Variants in ZBTB45 observed in about 807,000 individuals in gnomAD.
ZBTB45 encodes the protein zinc finger and BTB domain containing 45.
ZBTB45 carries 22 observed loss-of-function variants against 28.4 expected under a neutral mutation model. The ratio of observed to expected loss-of-function variants is 0.77; its 90% CI spans 0.55 to 1.10. The LOEUF (loss-of-function observed/expected upper bound fraction) is 1.10, where lower values mean the gene tolerates loss of function less well. Ranked by LOEUF, ZBTB45 falls within the 50% of genes least tolerant of loss-of-function variation. The probability of loss-of-function intolerance (pLI) is 0.00; values close to 1 mark genes in which losing one functional copy is unlikely to be tolerated. For synonymous variants in ZBTB45, 361 were observed against 332.3 expected (o/e 1.09, Z -0.94); for missense variants, 656 against 750.2 (o/e 0.87, Z 1.47).
At chr19:58,527,774 C>T (rs1262779736) in intron 1 of ZBTB45, among the ~76,000 whole-genome samples, 1 of 151,922 alleles carries the variant, frequency 6.6e-6, no homozygotes, top group Non-Finnish European at 1.5e-5. Context: ...TTTGTCCCCT[C>T]CCTCTTTACA....
At chr19:58,536,622 G>T (rs750932438) in intron 1 of ZBTB45, among the ~76,000 whole-genome samples, 10 of 152,098 alleles carry the variant, frequency 6.6e-5, no homozygotes, top group Non-Finnish European at 1.5e-4. Context: ...CAGCCTGGGT[G>T]ACAGAACGAG....
intron 1 of ZBTB45, among the ~76,000 whole-genome samples, chr19:58,531,614 G>A (rs746985558): frequency 2.0e-5 from 3 of 152,186 alleles, no homozygotes; most frequent in Non-Finnish European, 4.4e-5. Context: ...CCTGAAATAC[G>A]GTTCCCCTTG....
intron 1 of ZBTB45, chr19:58,519,138 G>C (rs2053553098): frequency 6.6e-6 from 1 of 152,302 alleles, no homozygotes; most frequent in Non-Finnish European, 1.5e-5. Context: ...CCAGACTACG[G>C]ATCCGGATAC....
intron 1 of ZBTB45, among the ~76,000 whole-genome samples, chr19:58,537,648 G>C (rs2053667544): frequency 6.6e-6 from 1 of 152,032 alleles, no homozygotes; most frequent in South Asian, 2.1e-4. Context: ...AAGTGTTTGG[G>C]GCAGCCCCTA....
At position 58,538,072 on chromosome 19, in the gene ZBTB45, AG is replaced by A. The variant is rs2053670171; in HGVS notation, c.-1+628del. On this transcript the variant is annotated intron_variant, in intron 1 of 1. Transcript: ENST00000600130. ...AGGCTGGTGGCGAACTCCCGACCTC[AG>A]GTGATCCGCCCACCTCGGCCTCCCA... 2.0e-5 allele frequency among the ~76,000 whole-genome samples: 3 copies of A among 152,158 alleles called. No homozygotes were observed. In the South Asian group the frequency reaches 6.2e-4, roughly 32 times the overall value.
intron 1 of ZBTB45, among the ~76,000 whole-genome samples, chr19:58,538,242 C>T (rs1227806752): frequency 6.6e-6 from 1 of 151,716 alleles, no homozygotes; most frequent in Non-Finnish European, 1.5e-5. Context: ...AAAGACAGGG[C>T]CTCGCTCTGC....
At chr19:58,527,403 T>C (rs1363454644) in intron 1 of ZBTB45, among the ~76,000 whole-genome samples, 1 of 152,194 alleles carries the variant, frequency 6.6e-6, no homozygotes, top group East Asian at 1.9e-4. Context: ...CTCCATGAGA[T>C]TGCTCAGCCC....
chr19:58,524,435 ATGTGTGTGTGTGTGTGTG>A (rs56704623), upstream of ZBTB45, among the ~76,000 whole-genome samples: 8 of 138,260 alleles, frequency 5.8e-5, no homozygotes, highest in African/African-American at 8.2e-5. Context: ...GTGTTCATAT[ATGTGTGTGTGTGTGTGTG>A]TGTGTGTGTG....
intron 1 of ZBTB45, among the ~76,000 whole-genome samples, chr19:58,537,153 G>A (rs2053664397): frequency 6.6e-6 from 1 of 152,090 alleles, no homozygotes; most frequent in South Asian, 2.1e-4. Flanking sequence ...CTGTCCCTGA[G>A]TCAGCTTGAG....
chr19:58,521,379 A>G (rs1371102129), upstream of ZBTB45, among the ~76,000 whole-genome samples: 1 of 146,946 alleles, frequency 6.8e-6, no homozygotes, highest in Non-Finnish European at 1.5e-5. Flanking sequence ...AAAAAAAAAA[A>G]AAAAAGAAAG....
At position 58,536,579 on chromosome 19, in the gene ZBTB45, G is replaced by A. The variant is rs570408095; in HGVS notation, c.-1+2122C>T. Among the ~76,000 whole-genome samples, 7 of 150,062 alleles carry A rather than the reference G, an allele frequency of 4.7e-5. No homozygotes were observed. In the South Asian group the frequency reaches 8.5e-4, roughly 18 times the overall value. On this transcript the variant is annotated intron_variant, in intron 1 of 1. Coordinates refer to the ZBTB45 transcript ENST00000600130. ...AATCGCTTGAACTCAGGAGGCAGAG[G>A]TTGTAGTGAGCCAAGATTGCGCCAC...
rs1240657420 is a variant in ZBTB45 at position 58,517,447 on chromosome 19, G to A, written c.227C>T (p.Pro76Leu). 3.1e-6 allele frequency: 5 copies of A among 1,613,048 alleles called. No homozygotes were observed. Among genetic ancestry groups the A allele is most frequent in the Non-Finnish European group, 3.4e-6 (4 of 1,179,864 alleles). ...HSEIRVPPVV[P>L]AQTVRQLVEF... ...TACCAGCTGTCGCACTGTCTGCGCG[G>A]GCACCACCGGAGGCACACGGATCTC... is the stretch of plus-strand genomic sequence containing the variant. The change falls in exon 2 of 3, where the codon CCC becomes CTC. Residue 76 changes from proline (P) to leucine (L), a missense_variant. By Grantham distance (98) the Pro-to-Leu change is moderately conservative. This residue lies in a region of ZBTB45 where 105 missense variants were observed against 152.4 expected (regional missense o/e 0.69). Transcript: ENST00000594051.
intron 1 of ZBTB45, among the ~76,000 whole-genome samples, chr19:58,518,160 ACTC>A (rs751859632): frequency 2.0e-5 from 3 of 150,682 alleles, no homozygotes; most frequent in African/African-American, 7.3e-5. Context: ...GCTAGCTTCC[ACTC>A]CTCCTCCACC....
intron 1 of ZBTB45, among the ~76,000 whole-genome samples, chr19:58,535,083 G>A (rs1023705267): frequency 6.6e-6 from 1 of 151,018 alleles, no homozygotes; most frequent in East Asian, 2.0e-4. Context: ...CTCTTGGCCA[G>A]GCTGGTCTCG....
At chr19:58,527,528 T>C (rs11673465) in intron 1 of ZBTB45, among the ~76,000 whole-genome samples, 29,533 of 152,084 alleles carry the variant, frequency 0.19, 2,990 homozygotes, top group Middle Eastern at 0.23. Flanking sequence ...CCCTCTCCAG[T>C]CCTGTCACTT....
At position 58,517,042 on chromosome 19, in the gene ZBTB45, T is replaced by C. The variant is rs1444924082; in HGVS notation, c.632A>G (p.Asp211Gly). 6.2e-6 allele frequency: 10 copies of C among 1,613,230 alleles called. No individual in the cohort carries two copies. Among genetic ancestry groups the C allele is most frequent in the Non-Finnish European group, 7.6e-6 (9 of 1,180,004 alleles). Residue 211 changes from aspartate to glycine, a missense_variant, in exon 2 of 3, where the codon GAC (aspartate) becomes GGC (glycine). Transcript: ENST00000594051. Reference sequence around the variant, plus strand: ...ATCGGTCTCATCGTCACTTTCCTCGTCATCCTCGTCACCTCGGTCATCAGG... The same window carrying C: ...ATCGGTCTCATCGTCACTTTCCTCGCCATCCTCGTCACCTCGGTCATCAGG... ...AAPDDRGDED[D>G]EESDDETDGE...
chr19:58,518,207 A>G (rs2053540509), intron 1 of ZBTB45, among the ~76,000 whole-genome samples: 1 of 152,084 alleles, frequency 6.6e-6, no homozygotes, highest in African/African-American at 2.4e-5. Context: ...TCCTTTAGCC[A>G]CATCCCCCCA....
intron 1 of ZBTB45, among the ~76,000 whole-genome samples, chr19:58,518,015 C>G (rs1258283782): frequency 6.7e-6 from 1 of 150,144 alleles, no homozygotes; most frequent in Non-Finnish European, 1.5e-5. Flanking sequence ...CCCACCCACC[C>G]CACCCCAACT....
chr19:58,533,503 G>C (rs1244625884), intron 1 of ZBTB45, among the ~76,000 whole-genome samples: 2 of 152,212 alleles, frequency 1.3e-5, no homozygotes, highest in Non-Finnish European at 2.9e-5. Flanking sequence ...CCAGAAACTG[G>C]AAGAAGCAAG....
Sources: gnomAD v4.1 joint callset for allele counts (sites outside exome capture counted in the v4.1 genomes callset) on GRCh38, gnomAD v4.1.1 for gene constraint, gnomAD v4.1.1 regional missense constraint, MANE v1.5 for transcripts, NCBI Gene and HGNC (gene_info 2026-07-23, HGNC 2026-07-21) for gene names.